The following PTPRG variants were observed in gnomAD, a reference collection of about 807,000 sequenced individuals.
PTPRG encodes the protein receptor-type tyrosine-protein phosphatase gamma.
Under a neutral mutation model 165.3 loss-of-function variants are expected in PTPRG, and 102 were observed. That is an observed-to-expected ratio of 0.62 (90% CI 0.53 to 0.73). PTPRG has a LOEUF of 0.73. Ranked by LOEUF, PTPRG falls within the 30% of genes least tolerant of loss-of-function variation. PTPRG has a pLI of 0.00. For synonymous variants in PTPRG, 675 were observed against 669.5 expected (o/e 1.01, Z -0.13); for missense variants, 1,866 against 1,861.4 (o/e 1.00, Z -0.05).
At chr3:62,031,360 A>G (rs1184806062) in intron 4 of PTPRG, among the ~76,000 whole-genome samples, 2 of 152,198 alleles carry the variant, frequency 1.3e-5, no homozygotes, top group East Asian at 3.8e-4. Context: ...CGTGGGGGAA[A>G]TGTGTGTCCA....
intron 4 of PTPRG, among the ~76,000 whole-genome samples, chr3:62,033,518 C>T (rs183911898): frequency 2.7e-5 from 4 of 146,068 alleles, no homozygotes; most frequent in Non-Finnish European, 4.5e-5. Context: ...TGCACACATA[C>T]CATGCCTATC....
intron 1 of PTPRG, among the ~76,000 whole-genome samples, chr3:61,688,670 C>A (rs1366673392): frequency 1.3e-5 from 2 of 152,208 alleles, no homozygotes; most frequent in Non-Finnish European, 2.9e-5. Context: ...TTTTCCATAC[C>A]AAAGGACTTA....
At chr3:61,635,766 C>A (rs1027822178) in intron 1 of PTPRG, among the ~76,000 whole-genome samples, 1 of 152,134 alleles carries the variant, frequency 6.6e-6, no homozygotes, top group Non-Finnish European at 1.5e-5. Flanking sequence ...GGTAGCCTAT[C>A]TCCACATTTT....
chr3:61,900,244 C>G (rs1024146837), intron 2 of PTPRG, among the ~76,000 whole-genome samples: 12 of 152,144 alleles, frequency 7.9e-5, no homozygotes, highest in African/African-American at 2.7e-4. Flanking sequence ...AATGCTGACG[C>G]TAACCTCTAC....
At chr3:61,735,428 T>C (rs987766210) in intron 1 of PTPRG, among the ~76,000 whole-genome samples, 1 of 152,002 alleles carries the variant, frequency 6.6e-6, no homozygotes, top group Non-Finnish European at 1.5e-5. Flanking sequence ...ATCTAACACC[T>C]AATAAAAATG....
intron 2 of PTPRG, among the ~76,000 whole-genome samples, chr3:61,773,328 G>T (rs2034268751): frequency 1.3e-5 from 2 of 152,158 alleles, no homozygotes; most frequent in Non-Finnish European, 2.9e-5. Context: ...AAAGTGATCT[G>T]TTGCTTGAGC....
chr3:61,564,546 T>C (rs777284231), intron 1 of PTPRG, among the ~76,000 whole-genome samples: 5 of 151,568 alleles, frequency 3.3e-5, no homozygotes, highest in Non-Finnish European at 7.4e-5. Context: ...CCGAGGGGTG[T>C]GGGAAAGGGA....
At chr3:62,288,583 G>C (rs758412566) in intron 28 of PTPRG, among the ~76,000 whole-genome samples, 1 of 151,216 alleles carries the variant, frequency 6.6e-6, no homozygotes, top group Non-Finnish European at 1.5e-5. Context: ...TGAGGCAGGA[G>C]AATCGTTTGA....
Position 62,190,540 on chromosome 3 carries a change from C to G in PTPRG, c.1034-929C>G, listed in dbSNP as rs1194953249. 6.6e-6 allele frequency among the ~76,000 whole-genome samples: 1 copy of G among 152,106 alleles called. No individual in the cohort carries two copies. The highest frequency in any genetic ancestry group is 1.5e-5 in the Non-Finnish European group (1 of 68,014). ...TTTAGATCCACCGTGTCCCTTAAAC[C>G]TCTCAGCCCCAAGGAATAAGAAGAT... On this transcript the variant is annotated intron_variant, in intron 8 of 29. Transcript: ENST00000474889. This position sits in a 1 kb window ranked among gnomAD's most constrained non-coding sequence, Gnocchi z 5.2.
At chr3:61,951,139 A>T (rs563271466) in intron 2 of PTPRG, among the ~76,000 whole-genome samples, 2 of 152,308 alleles carry the variant, frequency 1.3e-5, no homozygotes, top group African/African-American at 4.8e-5. Context: ...GCCTATACAG[A>T]TTTTAGGAGT....
intron 4 of PTPRG, among the ~76,000 whole-genome samples, chr3:62,031,341 A>G (rs765022439): frequency 2.6e-5 from 4 of 152,196 alleles, no homozygotes; most frequent in African/African-American, 7.2e-5. Flanking sequence ...GAGGAGTTGG[A>G]TAGGAGAACG....
chr3:62,043,220 C>G (rs1700182792), intron 4 of PTPRG, among the ~76,000 whole-genome samples: 2 of 152,170 alleles, frequency 1.3e-5, no homozygotes, highest in Non-Finnish European at 1.5e-5. Context: ...CACTAGGTTT[C>G]TATATTTATC....
At chr3:61,969,419 T>G (rs1007607442) in intron 2 of PTPRG, among the ~76,000 whole-genome samples, 2 of 152,202 alleles carry the variant, frequency 1.3e-5, no homozygotes, top group Middle Eastern at 3.2e-3. Flanking sequence ...TTGGGGAATT[T>G]TAATTAAAGA....
Position 61,846,907 on chromosome 3 carries a change from C to T in PTPRG, c.190+97925C>T, listed in dbSNP as rs770683301. ...TCCAGTCTGGGTATCAGAGCTAGAC[C>T]CTGTCTCAAAAAATAGAGAGAGAGG... On this transcript the variant is annotated intron_variant, in intron 2 of 29. Transcript: ENST00000474889. Among the ~76,000 whole-genome samples, 66 of 149,132 alleles carry T rather than the reference C, an allele frequency of 4.4e-4. 1 individual carries two copies. The highest frequency in any genetic ancestry group is 9.3e-4 in the Non-Finnish European group (62 of 66,922).
Position 62,273,949 on chromosome 3 carries a change from AT to A in PTPRG, c.3465+107del. 8.7e-7 allele frequency: 1 copy of A among 1,148,818 alleles called. No individual in the cohort carries two copies. Among genetic ancestry groups the A allele is most frequent in the Non-Finnish European group, 1.2e-6 (1 of 802,938 alleles). The allele number at this position is 1,148,818 out of a possible 1,614,324, so 71.2% of individuals were successfully genotyped here. A position where few individuals can be genotyped will look rare whatever the true frequency, so the allele number is the denominator to read the frequency against. ...TGCATTAATGTATACACCGAAATGG[AT>A]TACTATTTGTACTCCTTGTACTCCT... On this transcript the variant is annotated intron_variant, in intron 23 of 29. Transcript: ENST00000474889. This position sits in a 1 kb window ranked among gnomAD's most constrained non-coding sequence, Gnocchi z 4.1.
At chr3:61,777,098 T>A (rs1370421452) in intron 2 of PTPRG, among the ~76,000 whole-genome samples, 1 of 152,172 alleles carries the variant, frequency 6.6e-6, no homozygotes, top group Non-Finnish European at 1.5e-5. Context: ...GAATTGTGTG[T>A]CTCTGGAATA....
intron 1 of PTPRG, among the ~76,000 whole-genome samples, chr3:61,586,343 G>A (rs150926238): frequency 7.5e-4 from 114 of 152,304 alleles, no homozygotes; most frequent in South Asian, 2.9e-3. Flanking sequence ...AGGCACTGGG[G>A]ACCCAATTAG....
chr3:61,665,037 G>C (rs1485010761), intron 1 of PTPRG, among the ~76,000 whole-genome samples: 1 of 152,084 alleles, frequency 6.6e-6, no homozygotes, highest in Admixed American at 6.5e-5. Flanking sequence ...TGTTTGAATA[G>C]GAACCCTCAC....
chr3:62,104,434 A>G (rs1223638527), intron 5 of PTPRG, among the ~76,000 whole-genome samples: 1 of 152,234 alleles, frequency 6.6e-6, no homozygotes, highest in Non-Finnish European at 1.5e-5. Flanking sequence ...GTACAATTCT[A>G]CCTAAGGACT....
Sources: gnomAD v4.1 joint callset for allele counts (sites outside exome capture counted in the v4.1 genomes callset) on GRCh38, gnomAD v4.1.1 for gene constraint, Gnocchi (gnomAD v3.1) non-coding constraint, MANE v1.5 for transcripts, NCBI Gene and HGNC (gene_info 2026-07-23, HGNC 2026-07-21) for gene names.